VWA8: variants seen among roughly 807,000 people sequenced by gnomAD.
VWA8 encodes the protein von Willebrand factor A domain containing 8, also known as von Willebrand factor A domain-containing protein 8.
In VWA8, 221 loss-of-function variants were observed where a neutral mutation model predicts 241.5. The observed-to-expected ratio is 0.91, with a 90% CI of 0.82 to 1.02. VWA8 has a LOEUF of 1.02. Among genes scored for constraint, VWA8 ranks in the 50% least tolerant of loss-of-function variants. The probability of loss-of-function intolerance (pLI) is 0.00; values close to 1 mark genes in which losing one functional copy is unlikely to be tolerated. For missense variants in VWA8, 2,322 were observed against 2,328.7 expected (o/e 1.00, Z 0.06); for synonymous variants, 852 against 827.1 (o/e 1.03, Z -0.52).
At chr13:41,817,654 T>C (rs1870757027) in intron 15 of VWA8, among the ~76,000 whole-genome samples, 1 of 152,222 alleles carries the variant, frequency 6.6e-6, no homozygotes, top group Non-Finnish European at 1.5e-5. Flanking sequence ...ATGAGGAAAC[T>C]ATGACTGAGT....
In VWA8 at chr13:41,866,116, G is replaced by C. The variant is rs1036451526; in HGVS notation, c.1213-80C>G. On this transcript the variant is annotated intron_variant, in intron 10 of 44. Coordinates refer to ENST00000379310, the MANE Select transcript of VWA8 (RefSeq NM_015058.2). ...TAATCCCAACACTTTGGGAGGCCAA[G>C]GCAGGCAGATCACTTGAGGTTAGTA... 9 of 1,553,408 alleles carry C rather than the reference G, an allele frequency of 5.8e-6. No homozygotes were observed. The African/African-American group carries it at 1.2e-4, about 21-fold the overall frequency.
intron 35 of VWA8, among the ~76,000 whole-genome samples, chr13:41,680,850 T>G (rs2045093858): frequency 6.6e-6 from 1 of 152,208 alleles, no homozygotes; most frequent in Non-Finnish European, 1.5e-5. Flanking sequence ...AAATTTGCAC[T>G]GACAAATAAC....
rs757115134 is a variant in VWA8 at position 41,692,888 on chromosome 13, G to C, written c.3649C>G (p.Pro1217Ala). Reference sequence around the variant, plus strand: ...GCTTCTTCTTTGTTCCACCAGAAAGGTTTCTTAGATGTAAACTTCTCGGAA... The same window carrying C: ...GCTTCTTCTTTGTTCCACCAGAAAGCTTTCTTAGATGTAAACTTCTCGGAA... ...LPSEKFTSKK[P>A]FWWNKEEAET... is the part of the protein sequence containing the mutation. The change falls in exon 30 of 45, where the codon CCT (proline) becomes GCT (alanine). Residue 1217 changes from proline to alanine, a missense_variant. By Grantham distance (27) the Pro-to-Ala change is conservative. Transcript: ENST00000379310. 2 of 1,611,156 alleles carry C rather than the reference G, an allele frequency of 1.2e-6. No individual in the cohort carries two copies. Among genetic ancestry groups the C allele is most frequent in the Non-Finnish European group, 1.7e-6 (2 of 1,178,152 alleles).
chr13:41,610,599 A>G lies in VWA8; in HGVS notation c.4877+977T>C, dbSNP rs144186087. Among the ~76,000 whole-genome samples, 593 of 152,336 alleles carry G rather than the reference A, an allele frequency of 3.9e-3. 7 individuals carry two copies. Among genetic ancestry groups the G allele is most frequent in the African/African-American group, 0.013 (532 of 41,578 alleles). On this transcript the variant is annotated intron_variant, in intron 39 of 44. Transcript: ENST00000379310. ...CTGTTTACTTGCAGGATGTGGAAGC[A>G]CAGCATGTAATGTAATACCAGATGT...
At chr13:41,881,870 T>C (rs1409577830) in intron 9 of VWA8, among the ~76,000 whole-genome samples, 1 of 122,300 alleles carries the variant, frequency 8.2e-6, no homozygotes, top group Admixed American at 8.1e-5. Flanking sequence ...CCCCCCCACC[T>C]CCCTCCCGGA....
chr13:41,872,527 C>T (rs1873680972), intron 9 of VWA8, among the ~76,000 whole-genome samples: 1 of 152,146 alleles, frequency 6.6e-6, no homozygotes, highest in Non-Finnish European at 1.5e-5. Context: ...CTACATATGG[C>T]TAGCCAGTTT....
chr13:41,887,740 C>T (rs1227414349), intron 5 of VWA8, among the ~76,000 whole-genome samples: 2 of 152,216 alleles, frequency 1.3e-5, no homozygotes, highest in African/African-American at 4.8e-5. Flanking sequence ...GATTGATTAC[C>T]AGTGGACCTT....
At chr13:41,893,835 G>C (rs964710006) in intron 4 of VWA8, among the ~76,000 whole-genome samples, 1 of 152,130 alleles carries the variant, frequency 6.6e-6, no homozygotes, top group Admixed American at 6.5e-5. Context: ...AATGAGCCAA[G>C]ATCGCACCCC....
chr13:41,818,129 G>C (rs1411344264), intron 15 of VWA8, among the ~76,000 whole-genome samples: 1 of 151,872 alleles, frequency 6.6e-6, no homozygotes, highest in African/African-American at 2.4e-5. Context: ...AGCCCAGCTA[G>C]TTTTTTGTAT....
At chr13:41,815,703 A>G (rs1870661125) in intron 16 of VWA8, among the ~76,000 whole-genome samples, 1 of 152,238 alleles carries the variant, frequency 6.6e-6, no homozygotes, top group South Asian at 2.1e-4. Flanking sequence ...CAAAGAAAAA[A>G]TAAATTTCTA....
chr13:41,856,569 C>T (rs993160221), intron 12 of VWA8, among the ~76,000 whole-genome samples: 3 of 152,014 alleles, frequency 2.0e-5, no homozygotes, highest in East Asian at 1.9e-4. Context: ...GCCTGTAATC[C>T]GAACACTTTG....
chr13:41,813,530 A>T (rs988191092), intron 16 of VWA8, among the ~76,000 whole-genome samples: 2 of 152,174 alleles, frequency 1.3e-5, no homozygotes, highest in African/African-American at 4.8e-5. Flanking sequence ...CTCTAACCAG[A>T]GGATTCTTAT....
chr13:41,644,975 G>A (rs1270962470), intron 37 of VWA8, among the ~76,000 whole-genome samples: 2 of 152,094 alleles, frequency 1.3e-5, no homozygotes, highest in Non-Finnish European at 2.9e-5. Flanking sequence ...GTTAAGTGAG[G>A]ACTCACTGTA....
At chr13:41,733,470 A>C (rs2045501154) in intron 21 of VWA8, among the ~76,000 whole-genome samples, 1 of 152,218 alleles carries the variant, frequency 6.6e-6, no homozygotes, top group African/African-American at 2.4e-5. Flanking sequence ...ACACTTGGAA[A>C]GTGTATAACG....
chr13:41,878,565 AGT>A (rs1211407476), intron 9 of VWA8, among the ~76,000 whole-genome samples: 5 of 152,148 alleles, frequency 3.3e-5, no homozygotes, highest in Non-Finnish European at 1.5e-5. Context: ...CCCACTTGAC[AGT>A]TTACTGAGTT....
chr13:41,800,779 C>T (rs1462577290), intron 17 of VWA8, among the ~76,000 whole-genome samples: 3 of 136,618 alleles, frequency 2.2e-5, no homozygotes, highest in African/African-American at 2.7e-5. Context: ...GGTGACAGAG[C>T]GAGACTCCAT....
chr13:41,677,632 A>G (rs1320231534), intron 35 of VWA8, among the ~76,000 whole-genome samples: 1 of 152,160 alleles, frequency 6.6e-6, no homozygotes, highest in South Asian at 2.1e-4. Context: ...AGCTATTTGT[A>G]AAATATCCCA....
chr13:41,858,301 A>T (rs1259945748), intron 12 of VWA8, among the ~76,000 whole-genome samples: 1 of 152,210 alleles, frequency 6.6e-6, no homozygotes, highest in African/African-American at 2.4e-5. Context: ...CGACAAAGCA[A>T]TATCATTATT....
intron 9 of VWA8, among the ~76,000 whole-genome samples, chr13:41,874,450 C>G (rs1362418207): frequency 1.3e-5 from 2 of 152,002 alleles, no homozygotes; most frequent in East Asian, 3.9e-4. Flanking sequence ...TGTCTCAGCC[C>G]AAAATCTCCT....
Sources: gnomAD v4.1 joint callset for allele counts (sites outside exome capture counted in the v4.1 genomes callset) on GRCh38, gnomAD v4.1.1 for gene constraint, MANE v1.5 for transcripts, NCBI Gene and HGNC (gene_info 2026-07-23, HGNC 2026-07-21) for gene names.